DNAH5: variants seen among roughly 807,000 people sequenced by gnomAD.
DNAH5 encodes axonemal beta dynein heavy chain 5.
A neutral mutation model predicts 518.2 loss-of-function variants in DNAH5; 372 were observed. The ratio of observed to expected loss-of-function variants is 0.72; its 90% CI spans 0.66 to 0.78. The LOEUF (loss-of-function observed/expected upper bound fraction) is 0.78, where lower values mean the gene tolerates loss of function less well. DNAH5 is among the 30% of genes least tolerant of loss of function. The probability of loss-of-function intolerance (pLI) is 0.00; values close to 1 mark genes in which losing one functional copy is unlikely to be tolerated. For synonymous variants in DNAH5, 2,039 were observed against 2,025.9 expected (o/e 1.01, Z -0.17); for missense variants, 5,523 against 5,687.0 (o/e 0.97, Z 0.93).
intron 47 of DNAH5, among the ~76,000 whole-genome samples, chr5:13,800,709 T>G (rs1302013926): frequency 6.6e-6 from 1 of 152,200 alleles, no homozygotes; most frequent in East Asian, 1.9e-4. Context: ...CTAGAATTTT[T>G]TTGTCTCCCC....
intron 58 of DNAH5, 57 bp downstream of exon 58, chr5:13,768,903 G>A (rs543750181): frequency 5.1e-6 from 8 of 1,572,744 alleles, no homozygotes; most frequent in African/African-American, 1.3e-5. Flanking sequence ...CATCTTTTTA[G>A]CATTAGTCTG....
chr5:13,708,821 C>T (rs536139070), intron 75 of DNAH5, among the ~76,000 whole-genome samples: 1 of 152,358 alleles, frequency 6.6e-6, no homozygotes, highest in South Asian at 2.1e-4. Flanking sequence ...TATCATCCTA[C>T]AAGTATTTAT....
chr5:13,766,691 C>T (rs1481438923), intron 58 of DNAH5, among the ~76,000 whole-genome samples: 2 of 152,170 alleles, frequency 1.3e-5, no homozygotes, highest in East Asian at 1.9e-4. Flanking sequence ...TAGGAACTGA[C>T]CTTTAAATGA....
intron 11 of DNAH5, among the ~76,000 whole-genome samples, chr5:13,912,490 C>CAT (rs61632571): frequency 0.042 from 6,341 of 151,194 alleles, 349 homozygotes; most frequent in African/African-American, 0.12. Context: ...TACACACACA[C>CAT]ACTATATATA....
Position 13,886,204 on chromosome 5 carries a change from G to A in DNAH5, c.2578-75C>T, listed in dbSNP as rs78434801. 6,177 of 1,439,322 alleles carry A rather than the reference G, an allele frequency of 4.3e-3. 190 individuals carry two copies. The African/African-American group carries it at 0.071, about 17-fold the overall frequency. 89.2% of individuals were successfully genotyped at this position (1,439,322 alleles called of 1,614,324 possible). On this transcript the variant is annotated intron_variant, in intron 17 of 78. Coordinates refer to ENST00000265104, the MANE Select transcript of DNAH5 (RefSeq NM_001369.3). ...TCTAGCTTTTGAGAGCACAGAAACA[G>A]TGGTAGCAATGCTGTGGCTCAGCCT...
Position 13,871,550 on chromosome 5 carries a change from G to T in DNAH5, c.3598+14C>A. The stretch of plus-strand genomic sequence containing the variant: ...GGCTAATTTATATAACTATATGAAA[G>T]AAAATGAACCAACCTGTGTACAGAG... On this transcript the variant is annotated intron_variant, in intron 23 of 78. Transcript: ENST00000265104. 1.2e-6 allele frequency: 2 copies of T among 1,607,196 alleles called. No homozygotes were observed. The highest frequency in any genetic ancestry group is 1.1e-5 in the South Asian group (1 of 90,876).
At chr5:13,708,672 C>G (rs1402551874) in intron 75 of DNAH5, among the ~76,000 whole-genome samples, 3 of 152,150 alleles carry the variant, frequency 2.0e-5, no homozygotes, top group African/African-American at 7.2e-5. Context: ...CTCTTTCAAA[C>G]CCACATGTGG....
intron 1 of DNAH5, among the ~76,000 whole-genome samples, chr5:13,951,337 T>TC (rs1257067184): frequency 7.0e-6 from 1 of 142,958 alleles, no homozygotes; most frequent in African/African-American, 2.6e-5. Context: ...CCACCTCAGC[T>TC]CCCCAAATAG....
At position 13,802,202 on chromosome 5, in the gene DNAH5, C is replaced by A. The variant is rs562982850; in HGVS notation, c.7887+5389G>T. On this transcript the variant is annotated intron_variant, in intron 47 of 78. Transcript: ENST00000265104. ...CAGCATCTTATGCAATTTATGAAACCTAAACAAGATTCCAATCTCATTGTC... is the reference window on the plus strand; with the variant it reads ...CAGCATCTTATGCAATTTATGAAACATAAACAAGATTCCAATCTCATTGTC... 2.0e-5 allele frequency among the ~76,000 whole-genome samples: 3 copies of A among 152,172 alleles called. No individual in the cohort carries two copies. The East Asian group carries it at 5.8e-4, about 29-fold the overall frequency.
intron 21 of DNAH5, among the ~76,000 whole-genome samples, chr5:13,878,376 T>C (rs1295340222): frequency 6.6e-6 from 1 of 152,082 alleles, no homozygotes; most frequent in Non-Finnish European, 1.5e-5. Flanking sequence ...CAGAAAAGGA[T>C]CAAGAATGTG....
chr5:13,916,583 A>C, intron 8 of DNAH5, 128 bp from the exon 9 acceptor site: 1 of 485,822 alleles, frequency 2.1e-6, no homozygotes, highest in South Asian at 2.3e-5. Context: ...AATACTATTT[A>C]ATGCTTTACA....
intron 1 of DNAH5, among the ~76,000 whole-genome samples, chr5:14,009,499 C>A (rs1267714022): frequency 6.6e-6 from 1 of 152,176 alleles, no homozygotes; most frequent in Non-Finnish European, 1.5e-5. Context: ...TTGCTTCTAT[C>A]TTTTCTAAAT....
At chr5:13,769,249 T>TG (rs1186403027) in intron 57 of DNAH5, 113 bp from the exon 58 acceptor site, 25 of 534,878 alleles carry the variant, frequency 4.7e-5, no homozygotes, top group African/African-American at 1.3e-4. Flanking sequence ...GTTTTGTTGT[T>TG]TTTTTTTTTT....
At chr5:13,865,642 G>A (rs1769134447) in intron 27 of DNAH5, 26 bp downstream of exon 27, 1 of 1,361,564 alleles carries the variant, frequency 7.3e-7, no homozygotes, top group African/African-American at 1.4e-5. Flanking sequence ...TCAATTGCTG[G>A]GCATGCTAAA....
chr5:13,720,047 T>G (rs909954109), intron 71 of DNAH5, among the ~76,000 whole-genome samples: 14 of 151,744 alleles, frequency 9.2e-5, no homozygotes, highest in Admixed American at 7.9e-4. Flanking sequence ...GAGGTGTTTT[T>G]CTATAACCCA....
chr5:13,942,399 T>C (rs982295207), intron 1 of DNAH5, among the ~76,000 whole-genome samples: 7 of 152,212 alleles, frequency 4.6e-5, no homozygotes, highest in Non-Finnish European at 1.0e-4. Context: ...ATGTTTCCCA[T>C]TGGTCATTTT....
intron 14 of DNAH5, chr5:13,900,873 C>A: frequency 3.1e-6 from 1 of 321,840 alleles, no homozygotes; most frequent in Non-Finnish European, 5.8e-6. Flanking sequence ...TATGATTAAC[C>A]AGTTGTACAA....
chr5:13,792,125 G>A lies in DNAH5; in HGVS notation c.8317C>T (p.Leu2773=), dbSNP rs1259839298. 6.2e-7 allele frequency: 1 copy of A among 1,614,002 alleles called. No individual in the cohort carries two copies. The highest frequency in any genetic ancestry group is 1.1e-5 in the South Asian group (1 of 91,066). Residue 2773 remains leucine, a synonymous_variant, in exon 50 of 79, where the codon CTA becomes TTA. Coordinates refer to ENST00000265104, the MANE Select transcript of DNAH5 (RefSeq NM_001369.3). The part of the protein sequence containing the change: ...VTKLVPLTRR[L]WQMTKIKMLP... ...ATTTTAATCTTGGTCATCTGCCATA[G>A]TCGGCGTGTCAGAGGCACCAATTTT...
rs2151990462 is a variant in DNAH5 at position 13,919,285 on chromosome 5, T to C, written c.866A>G (p.His289Arg). Residue 289 changes from histidine (H) to arginine (R), a missense_variant, in exon 7 of 79, where the codon CAC becomes CGC. By Grantham distance (29) the His-to-Arg change is conservative. This residue lies in a region of DNAH5 where 5,121 missense variants were observed against 5,223.3 expected (regional missense o/e 0.98). Coordinates refer to ENST00000265104, the MANE Select transcript of DNAH5 (RefSeq NM_001369.3). ...DDVGPRAELE[H>R]WKKRLSKFNY... ...AAACTTGGAGAGTCTTTTTTTCCAG[T>C]GCTCCAGCTCCGCTCGTGGCCCAAC... is the stretch of plus-strand genomic sequence containing the variant. 1.2e-6 allele frequency: 2 copies of C among 1,614,198 alleles called. No homozygotes were observed. The highest frequency in any genetic ancestry group is 4.5e-5 in the East Asian group (2 of 44,888).
Sources: allele counts gnomAD v4.1 joint callset (sites outside exome capture counted in the v4.1 genomes callset), GRCh38; gene constraint gnomAD v4.1.1; regional missense constraint gnomAD v4.1.1; transcripts MANE v1.5; gene names NCBI Gene and HGNC (gene_info 2026-07-23, HGNC 2026-07-21).